EBF2: variants seen among roughly 807,000 people sequenced by gnomAD.
EBF2 encodes the protein EBF transcription factor 2, also known as transcription factor COE2.
A neutral mutation model predicts 72.8 loss-of-function variants in EBF2; 21 were observed. The observed-to-expected ratio is 0.29, with a 90% CI of 0.20 to 0.42. The LOEUF is 0.42. Among genes scored for constraint, EBF2 ranks in the 10% least tolerant of loss-of-function variants. The probability of loss-of-function intolerance (pLI) is 1.00; values close to 1 mark genes in which losing one functional copy is unlikely to be tolerated. For synonymous variants in EBF2, 299 were observed against 274.2 expected, an observed-to-expected ratio of 1.09 and a Z score of -0.89; for missense variants, 637 against 731.2, an observed-to-expected ratio of 0.87 and a Z score of 1.49.
chr8:26,039,967 C>G, intron 5 of EBF2, 61 bp downstream of exon 5: 11 of 1,582,194 alleles, frequency 7.0e-6, no homozygotes, highest in Non-Finnish European at 9.5e-6. Flanking sequence ...CGCGGCGCGC[C>G]AAGGCGGGGC....
At chr8:25,908,938 C>G (rs1467557234) in intron 6 of EBF2, among the ~76,000 whole-genome samples, 3 of 152,172 alleles carry the variant, frequency 2.0e-5, no homozygotes, top group Non-Finnish European at 1.5e-5. Context: ...GACCCGGCCC[C>G]AGAATCCCAG....
intron 4 of EBF2, 66 bp downstream of exon 4, chr8:26,040,550 A>C: frequency 1.3e-6 from 2 of 1,497,826 alleles, no homozygotes; most frequent in Non-Finnish European, 1.8e-6. Flanking sequence ...GGTCAGAAAC[A>C]AACTGGGGGG....
At chr8:25,872,034 G>C (rs4297047) in intron 10 of EBF2, among the ~76,000 whole-genome samples, 1 of 151,488 alleles carries the variant, frequency 6.6e-6, no homozygotes, top group African/African-American at 2.4e-5. Flanking sequence ...ATTCTATATG[G>C]TTTTAATTTT....
intron 6 of EBF2, among the ~76,000 whole-genome samples, chr8:26,000,782 G>A (rs550155605): frequency 5.9e-5 from 9 of 152,288 alleles, no homozygotes; most frequent in African/African-American, 1.4e-4. Context: ...TCTTCCCTGT[G>A]GACATTAGCC....
chr8:25,881,362 G>C (rs1310966475), intron 10 of EBF2, among the ~76,000 whole-genome samples: 1 of 152,140 alleles, frequency 6.6e-6, no homozygotes, highest in African/African-American at 2.4e-5. Flanking sequence ...CTACCCCAGG[G>C]TCTTTGCACA....
chr8:25,901,251 G>A (rs4872373), intron 7 of EBF2, among the ~76,000 whole-genome samples: 81,050 of 151,592 alleles, frequency 0.53, 22,096 homozygotes, highest in East Asian at 0.72. Flanking sequence ...GCAAAACCCC[G>A]TCTCGATAAA....
chr8:25,900,652 G>T (rs1802936659), intron 7 of EBF2, among the ~76,000 whole-genome samples: 1 of 151,894 alleles, frequency 6.6e-6, no homozygotes, highest in Non-Finnish European at 1.5e-5. Context: ...GACACCCAAG[G>T]GTCTCTCATG....
intron 6 of EBF2, among the ~76,000 whole-genome samples, chr8:26,002,051 G>T (rs979540202): frequency 6.6e-6 from 1 of 152,192 alleles, no homozygotes; most frequent in African/African-American, 2.4e-5. Flanking sequence ...AGCCAGAAAG[G>T]CCTCAGTATC....
chr8:25,979,767 C>T (rs1047599239), intron 6 of EBF2, among the ~76,000 whole-genome samples: 12 of 152,148 alleles, frequency 7.9e-5, no homozygotes, highest in Middle Eastern at 3.4e-3. Context: ...TTTTATTATA[C>T]GATGGGCCAT....
rs553695134 is a variant in EBF2, at chr8:26,001,705, T to C, written c.551+31380A>G. On this transcript the variant is annotated intron_variant, in intron 6 of 15. Transcript: ENST00000520164. ...CTGGGATTACAGGGACGCGCCACCA[T>C]GCCCAGCTAATTTTGGTATTTTTAG... 2.2e-4 allele frequency among the ~76,000 whole-genome samples: 33 copies of C among 152,200 alleles called. No individual in the cohort carries two copies. The East Asian group carries it at 2.5e-3, about 12-fold the overall frequency.
chr8:26,022,650 A>G (rs935760227), intron 6 of EBF2, among the ~76,000 whole-genome samples: 1 of 152,088 alleles, frequency 6.6e-6, no homozygotes, highest in African/African-American at 2.4e-5. Flanking sequence ...TTTCCCTCTC[A>G]AAAGCTCTTG....
At chr8:25,973,320 C>A (rs1328333992) in intron 6 of EBF2, among the ~76,000 whole-genome samples, 1 of 152,166 alleles carries the variant, frequency 6.6e-6, no homozygotes, top group Non-Finnish European at 1.5e-5. Flanking sequence ...TTCCCCTGCC[C>A]AGCCTCATTC....
chr8:26,021,050 G>T (rs1805196642), intron 6 of EBF2, among the ~76,000 whole-genome samples: 5 of 152,182 alleles, frequency 3.3e-5, no homozygotes, highest in Admixed American at 3.3e-4. Context: ...GAGACTTGGA[G>T]AATGCTAAAC....
chr8:25,849,149 A>G (rs1467246278), intron 15 of EBF2, among the ~76,000 whole-genome samples: 4 of 152,222 alleles, frequency 2.6e-5, no homozygotes, highest in African/African-American at 9.6e-5. Context: ...CCAACTACCC[A>G]TACATTGGGT....
At chr8:26,012,764 C>T (rs969820204) in intron 6 of EBF2, among the ~76,000 whole-genome samples, 2 of 152,160 alleles carry the variant, frequency 1.3e-5, no homozygotes, top group African/African-American at 2.4e-5. Context: ...AAATGCTGTC[C>T]CTGTCTCCTT....
intron 6 of EBF2, among the ~76,000 whole-genome samples, chr8:25,942,441 C>T (rs1439626518): frequency 6.6e-6 from 1 of 152,156 alleles, no homozygotes; most frequent in Non-Finnish European, 1.5e-5. Context: ...AGCAGCATTC[C>T]ACCAGTACTT....
chr8:25,974,801 C>T (rs771239366), intron 6 of EBF2, among the ~76,000 whole-genome samples: 2 of 151,894 alleles, frequency 1.3e-5, no homozygotes, highest in African/African-American at 2.4e-5. Flanking sequence ...CTGCATTTTT[C>T]TGACATCCTG....
chr8:26,035,141 G>T (rs1323043323), intron 5 of EBF2, among the ~76,000 whole-genome samples: 1 of 55,390 alleles, frequency 1.8e-5, no homozygotes, highest in Non-Finnish European at 3.1e-5. Context: ...CCCAGTCTTA[G>T]AATTTTTTTT....
intron 6 of EBF2, among the ~76,000 whole-genome samples, chr8:25,942,480 A>C (rs1051381299): frequency 6.6e-6 from 1 of 152,202 alleles, no homozygotes; most frequent in Non-Finnish European, 1.5e-5. Context: ...TACAGTCATT[A>C]GTAAATGGAC....
Sources: gnomAD v4.1 joint callset for allele counts (sites outside exome capture counted in the v4.1 genomes callset) on GRCh38, gnomAD v4.1.1 for gene constraint, MANE v1.5 for transcripts, NCBI Gene and HGNC (gene_info 2026-07-23, HGNC 2026-07-21) for gene names.